TMEM131L: variants seen among roughly 807,000 people sequenced by gnomAD.
The protein encoded by TMEM131L is transmembrane 131 like.
A neutral mutation model predicts 192.2 loss-of-function variants in TMEM131L; 54 were observed. The ratio of observed to expected loss-of-function variants is 0.28; its 90% CI spans 0.23 to 0.35. The LOEUF (loss-of-function observed/expected upper bound fraction) is 0.35, where lower values mean the gene tolerates loss of function less well. Among genes scored for constraint, TMEM131L ranks in the 10% least tolerant of loss-of-function variants. The pLI is 1.00. For synonymous variants in TMEM131L, 701 were observed against 704.9 expected (o/e 0.99, Z 0.09); for missense variants, 1,888 against 1,972.9 (o/e 0.96, Z 0.82).
Position 153,585,503 on chromosome 4 carries a change from T to C in TMEM131L, c.1203T>C (p.Thr401=). 6.2e-7 allele frequency: 1 copy of C among 1,614,014 alleles called. No individual in the cohort carries two copies. The highest frequency in any genetic ancestry group is 8.5e-7 in the Non-Finnish European group (1 of 1,179,902). ...DSSATQFHIE[T]HENTSGLWSI... ...CTGCAACCCAGTTTCACATAGAGAC[T>C]CATGAGAACACATCAGGACTTTGGT... The change falls in exon 13 of 35, where the codon ACT becomes ACC. Residue 401 remains threonine, a synonymous_variant. Transcript: ENST00000409959.
At chr4:153,490,953 CAAAAAAAA>C (rs3040164) in intron 3 of TMEM131L, among the ~76,000 whole-genome samples, 8 of 82,074 alleles carry the variant, frequency 9.7e-5, no homozygotes, top group South Asian at 8.1e-4. Flanking sequence ...GACTCTGTCT[CAAAAAAAA>C]AAAAAAAAAA....
At chr4:153,558,060 C>T (rs886814186) in intron 6 of TMEM131L, among the ~76,000 whole-genome samples, 198 bp from the exon 7 acceptor site, 3 of 152,220 alleles carry the variant, frequency 2.0e-5, no homozygotes, top group Admixed American at 1.3e-4. Flanking sequence ...CGTGAGCCAC[C>T]GTGCTCAGCC....
chr4:153,481,765 T>G (rs1044002576), intron 3 of TMEM131L, among the ~76,000 whole-genome samples: 4 of 152,172 alleles, frequency 2.6e-5, no homozygotes, highest in Non-Finnish European at 4.4e-5. Context: ...CTCGAACTCC[T>G]GGGCTCAAGT....
chr4:153,561,779 C>T (rs76043708), intron 7 of TMEM131L, among the ~76,000 whole-genome samples: 452 of 152,122 alleles, frequency 3.0e-3, no homozygotes, highest in Non-Finnish European at 5.3e-3. Context: ...AGTTCTCTCC[C>T]ATTAGTCAAA....
At position 153,586,214 on chromosome 4, in the gene TMEM131L, G is replaced by C; in HGVS notation, c.1317G>C (p.Leu439=). Residue 439 remains leucine (L), a synonymous_variant, in exon 14 of 35, where the codon CTG becomes CTC. Coordinates refer to ENST00000409959, the MANE Select transcript of TMEM131L (RefSeq NM_001131007.2). ...CTTGCTTCTTTTCTTTTTAGATTCTGAATTTCACTGGCCCTTTATTTCTAC... is the reference window on the plus strand; with the variant it reads ...CTTGCTTCTTTTCTTTTTAGATTCTCAATTTCACTGGCCCTTTATTTCTAC... ...SKETKHMLKI[L]NFTGPLFLPP... The C allele has an allele frequency of 6.4e-7, 1 of 1,551,790 alleles. No individual in the cohort carries two copies. The highest frequency in any genetic ancestry group is 8.6e-7 in the Non-Finnish European group (1 of 1,158,100).
At chr4:153,522,158 TG>T (rs1246961851) in intron 3 of TMEM131L, among the ~76,000 whole-genome samples, 7 of 152,092 alleles carry the variant, frequency 4.6e-5, no homozygotes, top group Middle Eastern at 3.2e-3. Context: ...TGTGAGGCTG[TG>T]GTGAAGGAGC....
At chr4:153,587,839 T>C (rs947260651) in intron 15 of TMEM131L, 28 bp downstream of exon 15, 1 of 1,497,588 alleles carries the variant, frequency 6.7e-7, no homozygotes, top group African/African-American at 1.4e-5. Flanking sequence ...AGGCTTTCTG[T>C]AGATCTCTAG....
At chr4:153,538,071 G>A (rs1736477495) in intron 3 of TMEM131L, among the ~76,000 whole-genome samples, 1 of 152,208 alleles carries the variant, frequency 6.6e-6, no homozygotes, top group South Asian at 2.1e-4. Context: ...AGGAGGTAAT[G>A]TGTATCGGTA....
intron 16 of TMEM131L, among the ~76,000 whole-genome samples, chr4:153,589,794 A>G (rs1409772742): frequency 9.2e-5 from 14 of 152,204 alleles, no homozygotes; most frequent in Non-Finnish European, 1.5e-5. Context: ...TTCCTCATCT[A>G]GATTTTGTTC....
At chr4:153,625,339 C>T (rs544021641) in intron 29 of TMEM131L, among the ~76,000 whole-genome samples, 4 of 151,584 alleles carry the variant, frequency 2.6e-5, no homozygotes, top group Non-Finnish European at 2.9e-5. Flanking sequence ...TGCAGTGAGC[C>T]GAGATCGCCA....
intron 3 of TMEM131L, among the ~76,000 whole-genome samples, chr4:153,528,142 T>G (rs1166808076): frequency 6.6e-6 from 1 of 152,204 alleles, no homozygotes; most frequent in African/African-American, 2.4e-5. Context: ...AGCCTCAGTT[T>G]ACTTCCAGGT....
chr4:153,473,019 G>A (rs1474134281), intron 2 of TMEM131L, among the ~76,000 whole-genome samples: 1 of 152,246 alleles, frequency 6.6e-6, no homozygotes. Context: ...TCGCCTGGTA[G>A]ACAGTTAAGT....
intron 3 of TMEM131L, among the ~76,000 whole-genome samples, chr4:153,487,417 C>T (rs1732418413): frequency 6.6e-6 from 1 of 152,004 alleles, no homozygotes; most frequent in South Asian, 2.1e-4. Context: ...GGGTGGGGTT[C>T]CAGGCTGAGC....
chr4:153,596,714 T>C (rs531666586), intron 20 of TMEM131L, among the ~76,000 whole-genome samples: 1 of 152,354 alleles, frequency 6.6e-6, no homozygotes, highest in Admixed American at 6.5e-5. Context: ...CATAGAAAGA[T>C]CGTTAAAGGA....
intron 17 of TMEM131L, among the ~76,000 whole-genome samples, chr4:153,592,129 C>T (rs62324756): frequency 0.27 from 40,689 of 151,610 alleles, 5,797 homozygotes; most frequent in Non-Finnish European, 0.33. Context: ...ATATATACAG[C>T]ATATATGTAT....
intron 31 of TMEM131L, among the ~76,000 whole-genome samples, chr4:153,629,699 T>C (rs1734085079): frequency 6.6e-6 from 1 of 152,208 alleles, no homozygotes; most frequent in Non-Finnish European, 1.5e-5. Context: ...GATTTGCACA[T>C]TGCTGAGTGC....
At chr4:153,628,801 C>T (rs373821280) in intron 31 of TMEM131L, among the ~76,000 whole-genome samples, 10 of 152,246 alleles carry the variant, frequency 6.6e-5, no homozygotes, top group East Asian at 5.8e-4. Flanking sequence ...CAGCATGTGC[C>T]GTTCTGCTTT....
At chr4:153,519,454 A>G (rs1406363917) in intron 3 of TMEM131L, among the ~76,000 whole-genome samples, 2 of 152,232 alleles carry the variant, frequency 1.3e-5, no homozygotes, top group Admixed American at 6.5e-5. Context: ...CATTAACACC[A>G]TAAGTGTGTT....
chr4:153,484,095 T>C (rs1343744316), intron 3 of TMEM131L, among the ~76,000 whole-genome samples: 1 of 152,198 alleles, frequency 6.6e-6, no homozygotes, highest in Non-Finnish European at 1.5e-5. Context: ...ACACCAATAT[T>C]AAGATAATGG....
Sources: gnomAD v4.1 joint callset for allele counts (sites outside exome capture counted in the v4.1 genomes callset) on GRCh38, gnomAD v4.1.1 for gene constraint, MANE v1.5 for transcripts, NCBI Gene and HGNC (gene_info 2026-07-23, HGNC 2026-07-21) for gene names.